The following CENPE variants were observed in gnomAD, a reference collection of about 807,000 sequenced individuals.
CENPE encodes centromere protein E, also known as centromere-associated protein E.
A neutral mutation model predicts 336.1 loss-of-function variants in CENPE; 145 were observed. The observed-to-expected ratio is 0.43, with a 90% CI of 0.38 to 0.50. The LOEUF is 0.50. Among genes scored for constraint, CENPE ranks in the 20% least tolerant of loss-of-function variants. CENPE has a pLI of 0.00. For synonymous variants in CENPE, 1,013 were observed against 984.8 expected, an observed-to-expected ratio of 1.03 and a Z score of -0.54; for missense variants, 2,719 against 3,023.3, an observed-to-expected ratio of 0.90 and a Z score of 2.36.
At position 103,149,286 on chromosome 4, in the gene CENPE, T is replaced by C. The variant is rs1050760840; in HGVS notation, c.3519A>G (p.Thr1173=). 2 of 1,612,682 alleles carry C rather than the reference T, an allele frequency of 1.2e-6. No individual in the cohort carries two copies. The highest frequency in any genetic ancestry group is 2.2e-5 in the East Asian group (1 of 44,814). Residue 1173 remains threonine, a synonymous_variant, in exon 27 of 49, where the codon ACA becomes ACG. Coordinates refer to ENST00000265148, the MANE Select transcript of CENPE (RefSeq NM_001813.3). ...LKNELKNKEL[T]LEHMETERLE... is the part of the protein sequence containing the mutation. Reference sequence around the variant, plus strand: ...GCCTCTCTGTTTCCATATGTTCCAATGTCAATTCTTTGTTCTTTAATTCAT... The same window carrying C: ...GCCTCTCTGTTTCCATATGTTCCAACGTCAATTCTTTGTTCTTTAATTCAT...
intron 8 of CENPE, among the ~76,000 whole-genome samples, chr4:103,191,664 G>A (rs1401570312): frequency 1.9e-4 from 27 of 145,556 alleles, no homozygotes; most frequent in Admixed American, 3.5e-4. Flanking sequence ...GGGGGGAGGG[G>A]GGGATAGCAT....
chr4:103,192,120 T>C (rs150777712), intron 8 of CENPE, among the ~76,000 whole-genome samples: 4 of 152,184 alleles, frequency 2.6e-5, no homozygotes, highest in East Asian at 1.9e-4. Context: ...ATATTGTGAG[T>C]GATTTGAAAG....
At chr4:103,121,752 GGTCTCACTATGTT>G (rs1169450685) in intron 43 of CENPE, among the ~76,000 whole-genome samples, 2 of 151,646 alleles carry the variant, frequency 1.3e-5, no homozygotes, top group East Asian at 3.9e-4. Flanking sequence ...GTAGAGACAG[GGTCTCACTATGTT>G]GTCCAAGCTT....
Position 103,110,848 on chromosome 4 carries a change from T to A in CENPE, c.7704A>T (p.Lys2568Asn), listed in dbSNP as rs1749349597. ...KLKQQNEQLI[K>N]QKNELLSNNQ... is the part of the protein sequence containing the mutation. ...CTTACCTTAACAATTCATTCTTTTG[T>A]TTTATTAGCTGTTCATTTTGCTGCT... is the stretch of plus-strand genomic sequence containing the variant. Residue 2568 changes from lysine to asparagine, a missense_variant, in exon 47 of 49, where the codon AAA becomes AAT. Around this residue, in one of 5 missense-constraint regions of CENPE, gnomAD observed 2,437 missense variants for 2,513.3 expected, o/e 0.97. Coordinates refer to ENST00000265148, the MANE Select transcript of CENPE (RefSeq NM_001813.3). 6.2e-7 allele frequency: 1 copy of A among 1,600,334 alleles called. No homozygotes were observed. Among genetic ancestry groups the A allele is most frequent in the African/African-American group, 1.4e-5 (1 of 73,962 alleles).
intron 16 of CENPE, among the ~76,000 whole-genome samples, chr4:103,164,795 A>C (rs1205495316): frequency 6.6e-6 from 1 of 152,118 alleles, no homozygotes; most frequent in Non-Finnish European, 1.5e-5. Context: ...CCCACTGTAG[A>C]ACACAGTCTT....
chr4:103,186,012 C>A, intron 8 of CENPE, 151 bp from the exon 9 acceptor site: 1 of 511,232 alleles, frequency 2.0e-6, no homozygotes, highest in South Asian at 3.4e-5. Flanking sequence ...TCCCTTTTTT[C>A]TCTGAGTCAA....
intron 16 of CENPE, among the ~76,000 whole-genome samples, chr4:103,170,998 T>A (rs181606124): frequency 6.6e-6 from 1 of 152,294 alleles, no homozygotes; most frequent in East Asian, 1.9e-4. Flanking sequence ...ATTGTAAATA[T>A]ATATGCACAC....
At chr4:103,141,311 T>C (rs1296549537) in intron 35 of CENPE, among the ~76,000 whole-genome samples, 1 of 152,134 alleles carries the variant, frequency 6.6e-6, no homozygotes, top group Non-Finnish European at 1.5e-5. Flanking sequence ...TTGACACAGG[T>C]GTAAATCTAT....
intron 46 of CENPE, 111 bp downstream of exon 46, chr4:103,114,344 C>T (rs1226429830): frequency 1.6e-6 from 1 of 606,110 alleles, no homozygotes; most frequent in South Asian, 2.3e-5. Context: ...AGATTAGTGG[C>T]CAACTTCTGT....
chr4:103,169,961 G>A (rs569887999), intron 16 of CENPE, among the ~76,000 whole-genome samples: 8 of 152,244 alleles, frequency 5.3e-5, no homozygotes, highest in Non-Finnish European at 1.0e-4. Context: ...CCATAAAAAA[G>A]GATGAGTTCA....
rs370550358 is a variant in CENPE, at chr4:103,176,050, T to C, written c.1391-2A>G. 2.6e-6 allele frequency: 4 copies of C among 1,561,016 alleles called. No homozygotes were observed. The highest frequency in any genetic ancestry group is 3.5e-6 in the Non-Finnish European group (4 of 1,155,704). ...AAACATCAGACTCTGAACAGACAGCTATAATTAGAGAAAAAAAAAATTTGT... is the reference window on the plus strand; with the variant it reads ...AAACATCAGACTCTGAACAGACAGCCATAATTAGAGAAAAAAAAAATTTGT... On this transcript the variant is annotated splice_acceptor_variant, in intron 14 of 48. Coordinates refer to ENST00000265148, the MANE Select transcript of CENPE (RefSeq NM_001813.3). LOFTEE classifies it high-confidence loss of function.
chr4:103,164,160 T>C (rs1754715197), intron 16 of CENPE, among the ~76,000 whole-genome samples: 1 of 152,116 alleles, frequency 6.6e-6, no homozygotes, highest in African/African-American at 2.4e-5. Context: ...AATATTGCAC[T>C]CCATTATATT....
intron 8 of CENPE, among the ~76,000 whole-genome samples, chr4:103,192,371 G>A (rs1228529937): frequency 1.3e-5 from 2 of 152,208 alleles, no homozygotes; most frequent in African/African-American, 2.4e-5. Flanking sequence ...TTCATGTAGA[G>A]CAGAAGGAAA....
chr4:103,120,247 T>A lies in CENPE; in HGVS notation c.7230A>T (p.Glu2410Asp). The A allele has an allele frequency of 6.2e-7, 1 of 1,613,058 alleles. No homozygotes were observed. Among genetic ancestry groups the A allele is most frequent in the Non-Finnish European group, 8.5e-7 (1 of 1,179,500 alleles). ...KESKIIKMQKELEVTNDIIAK... is the reference protein window; with the variant it reads ...KESKIIKMQKDLEVTNDIIAK... ...CTATTATGTCATTAGTCACCTCAAG[T>A]TCTTTCTGCATCTTTATAATCTTGC... Residue 2410 changes from glutamate (E) to aspartate (D), a missense_variant, in exon 44 of 49, where the codon GAA (glutamate) becomes GAT (aspartate). By Grantham distance (45) the Glu-to-Asp change is conservative (BLOSUM62 2). Transcript: ENST00000265148.
At chr4:103,131,982 T>C (rs1176312737) in intron 42 of CENPE, among the ~76,000 whole-genome samples, 1 of 152,164 alleles carries the variant, frequency 6.6e-6, no homozygotes, top group African/African-American at 2.4e-5. Flanking sequence ...CAGGGAATTT[T>C]TATGGCAGGA....
At chr4:103,140,172 T>A (rs1752419360) in intron 37 of CENPE, 84 bp downstream of exon 37, 1 of 1,449,004 alleles carries the variant, frequency 6.9e-7, no homozygotes, top group East Asian at 2.3e-5. Flanking sequence ...CATATCTATC[T>A]ACATATCTGT....
Position 103,147,568 on chromosome 4 carries a change from GTTCA to G in CENPE, c.3918_3921del (p.Glu1307TrpfsTer4). ...GTGGACTGTTCTGTTAATAACTCCA[GTTCA>G]TTCATTGTTTCCTGAGTCTCACTGA... On this transcript the variant is annotated frameshift_variant, in exon 29 of 49. Coordinates refer to ENST00000265148, the MANE Select transcript of CENPE (RefSeq NM_001813.3). LOFTEE classifies it high-confidence loss of function. 2 of 1,613,860 alleles carry G rather than the reference GTTCA, an allele frequency of 1.2e-6. No homozygotes were observed. Among genetic ancestry groups the G allele is most frequent in the Non-Finnish European group, 1.7e-6 (2 of 1,179,974 alleles).
intron 9 of CENPE, among the ~76,000 whole-genome samples, chr4:103,184,141 T>G (rs1305388313): frequency 6.6e-6 from 1 of 152,234 alleles, no homozygotes; most frequent in Non-Finnish European, 1.5e-5. Flanking sequence ...GCTTTAACAT[T>G]ACTACCTAAC....
intron 8 of CENPE, among the ~76,000 whole-genome samples, chr4:103,192,084 C>T (rs1265524303): frequency 2.0e-5 from 3 of 152,054 alleles, no homozygotes; most frequent in Admixed American, 6.5e-5. Flanking sequence ...CAACACCATG[C>T]TCAGAAGACA....
Sources: gnomAD v4.1 joint callset for allele counts (sites outside exome capture counted in the v4.1 genomes callset) on GRCh38, gnomAD v4.1.1 for gene constraint, gnomAD v4.1.1 regional missense constraint, MANE v1.5 for transcripts, NCBI Gene and HGNC (gene_info 2026-07-23, HGNC 2026-07-21) for gene names.